Variants in ARHGEF28 observed in about 807,000 individuals in gnomAD.
The protein encoded by ARHGEF28 is Rho guanine nucleotide exchange factor 28.
A neutral mutation model predicts 206.6 loss-of-function variants in ARHGEF28; 152 were observed. The observed-to-expected ratio is 0.74, with a 90% confidence interval of 0.64 to 0.84. The LOEUF is 0.84. Ranked by LOEUF, ARHGEF28 falls within the 40% of genes least tolerant of loss-of-function variation. The pLI is 0.00. For synonymous variants in ARHGEF28, 763 were observed against 776.4 expected, an observed-to-expected ratio of 0.98 and a Z score of 0.29; for missense variants, 2,028 against 2,073.2, an observed-to-expected ratio of 0.98 and a Z score of 0.42.
At position 73,799,998 on chromosome 5, in the gene ARHGEF28, T is replaced by C. The variant is rs1475565847; in HGVS notation, c.1024+4607T>C. ...AGCATAGTATCTTGCAAAGTAAGCC[T>C]CTTGGAAAAAAATTATGTTAGTCTT... On this transcript the variant is annotated intron_variant, in intron 9 of 35. Coordinates refer to ENST00000513042, the MANE Select transcript of ARHGEF28 (RefSeq NM_001177693.2). 3.9e-5 allele frequency among the ~76,000 whole-genome samples: 6 copies of C among 152,200 alleles called. No homozygotes were observed. The East Asian group carries it at 9.7e-4, about 25-fold the overall frequency.
intron 35 of ARHGEF28, among the ~76,000 whole-genome samples, chr5:73,923,471 G>A (rs1368056134): frequency 7.3e-5 from 11 of 151,496 alleles, no homozygotes; most frequent in Non-Finnish European, 1.0e-4. Flanking sequence ...CGTTGGTCTT[G>A]GCAAGACTAC....
At chr5:73,884,892 G>A (rs1580048463) in intron 24 of ARHGEF28, among the ~76,000 whole-genome samples, 1 of 152,034 alleles carries the variant, frequency 6.6e-6, no homozygotes, top group Non-Finnish European at 1.5e-5. Flanking sequence ...ATTTGCTCTT[G>A]GTATGAGCAT....
chr5:73,776,974 T>G (rs1164536334), intron 6 of ARHGEF28, among the ~76,000 whole-genome samples: 2 of 152,244 alleles, frequency 1.3e-5, no homozygotes, highest in Non-Finnish European at 2.9e-5. Context: ...TTATTGATTG[T>G]ATTATAATTA....
chr5:73,628,115 A>G (rs1261128508), intron 1 of ARHGEF28, among the ~76,000 whole-genome samples: 1 of 152,098 alleles, frequency 6.6e-6, no homozygotes, highest in Non-Finnish European at 1.5e-5. Flanking sequence ...TTATGTGAGT[A>G]CTGCAGAAGA....
chr5:73,626,538 G>A (rs1743018626), intron 1 of ARHGEF28, among the ~76,000 whole-genome samples: 2 of 152,114 alleles, frequency 1.3e-5, no homozygotes, highest in African/African-American at 2.4e-5. Flanking sequence ...TGGAGAGGGC[G>A]GCGCAGCCTC....
At chr5:73,703,119 T>A (rs1748698214) in intron 2 of ARHGEF28, among the ~76,000 whole-genome samples, 1 of 152,240 alleles carries the variant, frequency 6.6e-6, no homozygotes, top group Non-Finnish European at 1.5e-5. Flanking sequence ...GTTATCTCTA[T>A]TTTAATGTCA....
chr5:73,651,332 G>A (rs1744815190), intron 1 of ARHGEF28, among the ~76,000 whole-genome samples: 1 of 152,208 alleles, frequency 6.6e-6, no homozygotes, highest in Non-Finnish European at 1.5e-5. Context: ...TTTATGGATT[G>A]TTGTGCAGAA....
At chr5:73,879,888 C>T (rs1472227275) in intron 22 of ARHGEF28, among the ~76,000 whole-genome samples, 1 of 152,178 alleles carries the variant, frequency 6.6e-6, no homozygotes, top group Non-Finnish European at 1.5e-5. Context: ...CAGGGACCCA[C>T]TTGAGGAGGC....
chr5:73,733,709 C>A (rs1230906773), intron 2 of ARHGEF28, among the ~76,000 whole-genome samples: 1 of 151,994 alleles, frequency 6.6e-6, no homozygotes, highest in Non-Finnish European at 1.5e-5. Context: ...AGCAATAATT[C>A]ATTAAGGCAA....
intron 2 of ARHGEF28, among the ~76,000 whole-genome samples, chr5:73,707,723 TC>T (rs1304796845): frequency 6.6e-6 from 1 of 152,158 alleles, no homozygotes; most frequent in Non-Finnish European, 1.5e-5. Flanking sequence ...CTTGGAAGAA[TC>T]TCTCTCCATT....
Position 73,857,640 on chromosome 5 carries a change from G to A in ARHGEF28, c.1791-16G>A, listed in dbSNP as rs1448156498. ...CTAAGTCATATGAGCCATGATAACA[G>A]ATTCTGTTTTTGTAGAATTCAGGAA... On this transcript the variant is annotated splice_polypyrimidine_tract_variant and intron_variant, in intron 14 of 35. Transcript: ENST00000513042. 2 of 1,556,958 alleles carry A rather than the reference G, an allele frequency of 1.3e-6. No individual in the cohort carries two copies. The highest frequency in any genetic ancestry group is 1.7e-4 in the Middle Eastern group (1 of 5,980).
At chr5:73,811,669 T>A (rs1755843202) in intron 9 of ARHGEF28, among the ~76,000 whole-genome samples, 1 of 152,202 alleles carries the variant, frequency 6.6e-6, no homozygotes, top group South Asian at 2.1e-4. Flanking sequence ...TGGTTGAGAA[T>A]AATACGTACT....
chr5:73,930,372 G>A (rs1764039849), intron 35 of ARHGEF28, among the ~76,000 whole-genome samples: 1 of 151,962 alleles, frequency 6.6e-6, no homozygotes, highest in Non-Finnish European at 1.5e-5. Context: ...CATTTTTATT[G>A]GCTGTTTAGG....
chr5:73,881,956 G>C (rs910890923), intron 22 of ARHGEF28, among the ~76,000 whole-genome samples: 3 of 152,038 alleles, frequency 2.0e-5, no homozygotes, highest in Non-Finnish European at 4.4e-5. Context: ...TGTAATGTGT[G>C]AACAAAAAAT....
At chr5:73,633,483 A>T (rs181016924) in intron 1 of ARHGEF28, among the ~76,000 whole-genome samples, 2 of 151,768 alleles carry the variant, frequency 1.3e-5, no homozygotes, top group East Asian at 3.9e-4. Flanking sequence ...CTCTCATAAG[A>T]TTGTAAAAAG....
chr5:73,746,546 C>T (rs1751727031), intron 2 of ARHGEF28, among the ~76,000 whole-genome samples: 1 of 151,928 alleles, frequency 6.6e-6, no homozygotes, highest in East Asian at 1.9e-4. Context: ...ATCTAAATAC[C>T]TTTAATTGCT....
chr5:73,792,883 T>A (rs1166655639), intron 7 of ARHGEF28, among the ~76,000 whole-genome samples: 1 of 152,252 alleles, frequency 6.6e-6, no homozygotes, highest in South Asian at 2.1e-4. Flanking sequence ...AAGGGTGAAA[T>A]TAGCCCATTT....
chr5:73,766,689 A>C (rs371101215), intron 4 of ARHGEF28, among the ~76,000 whole-genome samples: 1 of 152,266 alleles, frequency 6.6e-6, no homozygotes, highest in African/African-American at 2.4e-5. Flanking sequence ...CTTATTAAAA[A>C]ATAATAAAAT....
At chr5:73,690,605 GGA>G (rs1474932942) in intron 2 of ARHGEF28, among the ~76,000 whole-genome samples, 2 of 151,612 alleles carry the variant, frequency 1.3e-5, no homozygotes, top group Non-Finnish European at 2.9e-5. Flanking sequence ...GGCTGAGGTG[GGA>G]GGATCACTTG....
Sources: allele counts gnomAD v4.1 joint callset (sites outside exome capture counted in the v4.1 genomes callset), GRCh38; gene constraint gnomAD v4.1.1; transcripts MANE v1.5; gene names NCBI Gene and HGNC (gene_info 2026-07-23, HGNC 2026-07-21).